Variants in SUSD5 observed in about 807,000 individuals in gnomAD.
SUSD5 encodes sushi domain containing 5, also known as sushi domain-containing protein 5.
Under a neutral mutation model 29.5 loss-of-function variants are expected in SUSD5, and 33 were observed. That is an observed-to-expected ratio of 1.12 (90% CI 0.85 to 1.49). The LOEUF is 1.49. Ranked by LOEUF, SUSD5 falls within the 40% of genes most tolerant of loss-of-function variation. SUSD5 has a pLI of 0.00. For synonymous variants in SUSD5, 308 were observed against 325.3 expected (o/e 0.95, Z 0.57); for missense variants, 776 against 800.6 (o/e 0.97, Z 0.37).
Position 33,150,494 on chromosome 3 carries a change from A to G in SUSD5, c.*2248T>C, listed in dbSNP as rs938857217. 1 of 152,252 alleles carries G rather than the reference A, an allele frequency of 6.6e-6. No individual in the cohort carries two copies. The highest frequency in any genetic ancestry group is 2.4e-5 in the African/African-American group (1 of 41,464). The allele number at this position is 152,252 out of a possible 1,614,324, so 9.4% of individuals were successfully genotyped here. ...GAGGTTATTTTATATAGTTAAAAAT[A>G]GAAAAGTTATCTTGCAGTAGATTAG... On this transcript the variant is annotated 3_prime_UTR_variant, in exon 5 of 5. Transcript: ENST00000309558.
At chr3:33,189,092 G>A (rs912009270) in intron 3 of SUSD5, among the ~76,000 whole-genome samples, 2 of 152,214 alleles carry the variant, frequency 1.3e-5, no homozygotes, top group East Asian at 1.9e-4. Flanking sequence ...TAAACCCTGC[G>A]TCAATCAACC....
chr3:33,182,072 C>A (rs1373519235), intron 3 of SUSD5, among the ~76,000 whole-genome samples: 1 of 152,074 alleles, frequency 6.6e-6, no homozygotes, highest in Admixed American at 6.5e-5. Flanking sequence ...TATATGTATT[C>A]ACTGCTATAA....
intron 2 of SUSD5, among the ~76,000 whole-genome samples, chr3:33,213,118 A>G (rs1364517371): frequency 2.0e-5 from 3 of 152,214 alleles, no homozygotes; most frequent in African/African-American, 4.8e-5. Flanking sequence ...TACTTAAAAA[A>G]AATTCAAGGC....
intron 3 of SUSD5, among the ~76,000 whole-genome samples, chr3:33,196,722 T>C (rs79012479): frequency 1.7e-4 from 26 of 152,310 alleles, no homozygotes; most frequent in East Asian, 5.8e-4. Flanking sequence ...TTGAAAATGA[T>C]TGGGATCCTG....
At chr3:33,201,956 T>A (rs1304317304) in intron 3 of SUSD5, among the ~76,000 whole-genome samples, 2 of 152,184 alleles carry the variant, frequency 1.3e-5, no homozygotes, top group Non-Finnish European at 2.9e-5. Context: ...TTCTCCTTTG[T>A]GTCATGGAAA....
At chr3:33,180,805 T>G (rs1315831899) in intron 3 of SUSD5, among the ~76,000 whole-genome samples, 1 of 151,344 alleles carries the variant, frequency 6.6e-6, no homozygotes, top group Non-Finnish European at 1.5e-5. Flanking sequence ...GTGCCACTGC[T>G]CTCCAGCCTC....
intron 3 of SUSD5, among the ~76,000 whole-genome samples, chr3:33,194,205 C>G (rs765139382): frequency 6.6e-6 from 1 of 152,166 alleles, no homozygotes; most frequent in Non-Finnish European, 1.5e-5. Flanking sequence ...CCAATCAACT[C>G]GCACTTCTCA....
chr3:33,160,025 G>A (rs1207228407), intron 4 of SUSD5, among the ~76,000 whole-genome samples: 1 of 152,176 alleles, frequency 6.6e-6, no homozygotes, highest in African/African-American at 2.4e-5. Context: ...CAGGAGGGCT[G>A]CTTCTTCCTG....
chr3:33,189,261 C>G (rs1337911233), intron 3 of SUSD5, among the ~76,000 whole-genome samples: 1 of 152,010 alleles, frequency 6.6e-6, no homozygotes, highest in Admixed American at 6.6e-5. Context: ...GGGTGGATCA[C>G]GAGGTCAACA....
chr3:33,194,922 C>T (rs552673208), intron 3 of SUSD5, among the ~76,000 whole-genome samples: 11 of 152,220 alleles, frequency 7.2e-5, no homozygotes, highest in South Asian at 2.1e-4. Flanking sequence ...CAGCTGGGCA[C>T]GGTGGCTCAC....
intron 1 of SUSD5, among the ~76,000 whole-genome samples, chr3:33,217,652 G>T (rs2032448570): frequency 6.6e-6 from 1 of 151,014 alleles, no homozygotes; most frequent in African/African-American, 2.4e-5. Context: ...GACCTAGACG[G>T]TTTTTTCCTT....
rs183155774 is a variant in SUSD5 at position 33,176,664 on chromosome 3, T to C, written c.410-1590A>G. 3.7e-3 allele frequency among the ~76,000 whole-genome samples: 560 copies of C among 152,354 alleles called. 1 individual carries two copies. Among genetic ancestry groups the C allele is most frequent in the South Asian group, 0.018 (87 of 4,828 alleles). ...ATCATGCCTTTAGTCTAAGAAGTCATTGCCATACCCAAGGTCATTTAGGTT... is the reference window on the plus strand; with the variant it reads ...ATCATGCCTTTAGTCTAAGAAGTCACTGCCATACCCAAGGTCATTTAGGTT... On this transcript the variant is annotated intron_variant, in intron 3 of 4. Coordinates refer to ENST00000309558, the MANE Select transcript of SUSD5 (RefSeq NM_015551.2).
intron 3 of SUSD5, among the ~76,000 whole-genome samples, chr3:33,207,162 G>C (rs1378435995): frequency 1.3e-5 from 2 of 152,156 alleles, no homozygotes; most frequent in African/African-American, 4.8e-5. Flanking sequence ...CTTACTGTGA[G>C]CAGTTCCCTA....
At position 33,151,430 on chromosome 3, in the gene SUSD5, C is replaced by T. The variant is rs1559440955; in HGVS notation, c.*1312G>A. 6.6e-6 allele frequency: 1 copy of T among 152,248 alleles called. No homozygotes were observed. Among genetic ancestry groups the T allele is most frequent in the Admixed American group, 6.5e-5 (1 of 15,278 alleles). 9.4% of individuals were successfully genotyped at this position (152,248 alleles called of 1,614,324 possible). A position where few individuals can be genotyped will look rare whatever the true frequency, so the allele number is the denominator to read the frequency against. Reference sequence around the variant, plus strand: ...TCTGTTTCCACAGAGCTCCCAGTTTCCACACTAGAGAACAGATCAGCACAG... The same window carrying T: ...TCTGTTTCCACAGAGCTCCCAGTTTTCACACTAGAGAACAGATCAGCACAG... On this transcript the variant is annotated 3_prime_UTR_variant, in exon 5 of 5. Transcript: ENST00000309558.
chr3:33,168,550 G>A, intron 4 of SUSD5: 1 of 985,488 alleles, frequency 1.0e-6, no homozygotes, highest in Non-Finnish European at 1.2e-6. Context: ...AAGTGAGGAG[G>A]TGTGCTGCCC....
At chr3:33,162,813 G>A (rs548225954) in intron 4 of SUSD5, among the ~76,000 whole-genome samples, 30 of 151,880 alleles carry the variant, frequency 2.0e-4, no homozygotes, top group African/African-American at 6.3e-4. Flanking sequence ...TTAGCAGGGC[G>A]TGGTGGCACA....
Position 33,175,114 on chromosome 3 carries a change from C to T in SUSD5, c.410-40G>A, listed in dbSNP as rs372381495. 4.5e-5 allele frequency: 72 copies of T among 1,602,930 alleles called. 1 individual carries two copies. The Admixed American group carries it at 7.7e-4, about 17-fold the overall frequency. ...TCACAGTTAGCTTTTCCAAACTGTG[C>T]GGAACTTTTTCAGCCTATGAGAAAA... On this transcript the variant is annotated intron_variant, in intron 3 of 4. Coordinates refer to ENST00000309558, the MANE Select transcript of SUSD5 (RefSeq NM_015551.2).
rs368497087 is a variant in SUSD5, at chr3:33,153,551, G to A, written c.1081C>T (p.Pro361Ser). The A allele has an allele frequency of 1.9e-6, 3 of 1,613,822 alleles. No homozygotes were observed. Among genetic ancestry groups the A allele is most frequent in the African/African-American group, 1.3e-5 (1 of 74,894 alleles). ...VGKNDSKAGD[P>S]VVSSSDESWL... ...GACTCATCACTGCTGCTCACCACTG[G>A]ATCTCCTGCCTTGCTGTCATTCTTG... Residue 361 changes from proline (P) to serine (S), a missense_variant, in exon 5 of 5, where the codon CCA (proline) becomes TCA (serine). Transcript: ENST00000309558.
chr3:33,181,312 G>A (rs892946960), intron 3 of SUSD5, among the ~76,000 whole-genome samples: 102 of 150,504 alleles, frequency 6.8e-4, no homozygotes, highest in African/African-American at 1.9e-3. Context: ...TGCTGCAAGC[G>A]CCATGCATGG....
Sources: allele counts gnomAD v4.1 joint callset (sites outside exome capture counted in the v4.1 genomes callset), GRCh38; gene constraint gnomAD v4.1.1; transcripts MANE v1.5; gene names NCBI Gene and HGNC (gene_info 2026-07-23, HGNC 2026-07-21).